Variants in CHSY3 observed in about 807,000 individuals in gnomAD.
CHSY3 encodes N-acetylgalactosaminyl-proteoglycan 3-beta-glucuronosyltransferase 3.
Under a neutral mutation model 67.2 loss-of-function variants are expected in CHSY3, and 35 were observed. The ratio of observed to expected loss-of-function variants is 0.52; its 90% CI spans 0.40 to 0.69. The LOEUF (loss-of-function observed/expected upper bound fraction) is 0.69. Ranked by LOEUF, CHSY3 falls within the 30% of genes least tolerant of loss-of-function variation. The pLI, the probability that CHSY3 is intolerant of heterozygous loss-of-function variation, is 0.00. For missense variants in CHSY3, 1,069 were observed against 1,138.5 expected (o/e 0.94, Z 0.88); for synonymous variants, 474 against 434.7 (o/e 1.09, Z -1.12).
Position 130,006,879 on chromosome 5 carries a change from A to G in CHSY3, c.1086+98519A>G, listed in dbSNP as rs79569660. The stretch of plus-strand genomic sequence containing the variant: ...TAGCCTACAATGTGCTAGATGACTA[A>G]GAAAATCAGTTGACTTTCTGAAGAA... On this transcript the variant is annotated intron_variant, in intron 2 of 2. Transcript: ENST00000305031. Among the ~76,000 whole-genome samples the G allele has an allele frequency of 3.4e-3, 518 of 152,350 alleles. 4 individuals are homozygous for G. The highest frequency in any genetic ancestry group is 0.012 in the African/African-American group (498 of 41,586).
intron 2 of CHSY3, among the ~76,000 whole-genome samples, chr5:129,931,149 T>C (rs116302739): frequency 0.012 from 1,755 of 152,242 alleles, 29 homozygotes; most frequent in African/African-American, 0.04. Context: ...TGTATATTTG[T>C]GAAAAATATA....
chr5:129,993,040 G>C (rs947340928), intron 2 of CHSY3, among the ~76,000 whole-genome samples: 1 of 152,120 alleles, frequency 6.6e-6, no homozygotes, highest in African/African-American at 2.4e-5. Context: ...ACAAAACACT[G>C]TTGCAAATGC....
chr5:129,997,699 G>A (rs942580565), intron 2 of CHSY3, among the ~76,000 whole-genome samples: 8 of 151,474 alleles, frequency 5.3e-5, no homozygotes, highest in African/African-American at 7.3e-5. Flanking sequence ...GATGTTTCCC[G>A]CCCTGTGTCC....
chr5:130,135,057 G>C (rs1768614796), intron 2 of CHSY3, among the ~76,000 whole-genome samples: 1 of 151,796 alleles, frequency 6.6e-6, no homozygotes, highest in Non-Finnish European at 1.5e-5. Context: ...TGTCGATATA[G>C]ATATAGTATA....
At chr5:130,039,902 A>G (rs1764962078) in intron 2 of CHSY3, among the ~76,000 whole-genome samples, 1 of 151,976 alleles carries the variant, frequency 6.6e-6, no homozygotes, top group Non-Finnish European at 1.5e-5. Context: ...TTATTTCTTT[A>G]TAGTATTTGA....
chr5:130,089,579 A>G (rs1270827508), intron 2 of CHSY3, among the ~76,000 whole-genome samples: 1 of 152,126 alleles, frequency 6.6e-6, no homozygotes. Context: ...TATTTGTGAC[A>G]GGAGAAACAC....
At chr5:130,136,689 A>G (rs1452409497) in intron 2 of CHSY3, among the ~76,000 whole-genome samples, 1 of 152,248 alleles carries the variant, frequency 6.6e-6, no homozygotes, top group Non-Finnish European at 1.5e-5. Context: ...GATTTTAATT[A>G]CCAGTAGATT....
intron 2 of CHSY3, among the ~76,000 whole-genome samples, chr5:129,972,498 A>T (rs1762671267): frequency 6.6e-6 from 1 of 151,888 alleles, no homozygotes; most frequent in Non-Finnish European, 1.5e-5. Flanking sequence ...AAAATTTTTG[A>T]TGTTAATAGC....
chr5:130,070,507 G>GA (rs998325666), intron 2 of CHSY3, among the ~76,000 whole-genome samples: 28 of 151,972 alleles, frequency 1.8e-4, no homozygotes, highest in Non-Finnish European at 3.2e-4. Flanking sequence ...TTTGGTGTCA[G>GA]AAAATCATGA....
chr5:130,084,151 G>A (rs1025499697), intron 2 of CHSY3, among the ~76,000 whole-genome samples: 2 of 151,878 alleles, frequency 1.3e-5, no homozygotes, highest in African/African-American at 2.4e-5. Flanking sequence ...CCTTCAAGAG[G>A]CACTTTTCCA....
At chr5:130,025,956 A>ACAAGAAGAG in intron 2 of CHSY3, among the ~76,000 whole-genome samples, 1 of 152,286 alleles carries the variant, frequency 6.6e-6, no homozygotes, top group Middle Eastern at 3.4e-3. Context: ...CAAGAATGAA[A>ACAAGAAGAG]CAAGAAGAGG....
At chr5:130,178,246 TATATATA>T (rs1460277586) in intron 2 of CHSY3, among the ~76,000 whole-genome samples, 8 of 77,934 alleles carry the variant, frequency 1.0e-4, no homozygotes, top group African/African-American at 3.4e-4. Flanking sequence ...TATATATATA[TATATATA>T]TTTTTTTTTT....
Position 129,908,063 on chromosome 5 carries a change from C to T in CHSY3, c.803-14C>T. On this transcript the variant is annotated splice_polypyrimidine_tract_variant and intron_variant, in intron 1 of 2. Transcript: ENST00000305031. ...AATAAGGAGACATAGTAATTGTTGC[C>T]TTTCTTTTTGTAGGTGATAAATTAG... The T allele has an allele frequency of 6.2e-7, 1 of 1,605,670 alleles. No individual in the cohort carries two copies. Among genetic ancestry groups the T allele is most frequent in the South Asian group, 1.1e-5 (1 of 89,808 alleles).
chr5:130,001,132 G>A (rs921782971), intron 2 of CHSY3, among the ~76,000 whole-genome samples: 1 of 151,820 alleles, frequency 6.6e-6, no homozygotes, highest in East Asian at 1.9e-4. Context: ...TGCCCGCCTC[G>A]ACCTCCCAAA....
intron 2 of CHSY3, among the ~76,000 whole-genome samples, chr5:130,107,929 C>T (rs184825240): frequency 1.4e-4 from 22 of 151,830 alleles, no homozygotes; most frequent in African/African-American, 4.3e-4. Flanking sequence ...GTGTCTAACA[C>T]TCTTTTTCAT....
chr5:130,068,029 A>G (rs1765939373), intron 2 of CHSY3, among the ~76,000 whole-genome samples: 1 of 152,186 alleles, frequency 6.6e-6, no homozygotes, highest in Admixed American at 6.6e-5. Flanking sequence ...GCAGCTGTAA[A>G]TATGTATTAC....
intron 2 of CHSY3, among the ~76,000 whole-genome samples, chr5:130,066,312 T>C (rs1336193287): frequency 6.6e-6 from 1 of 152,074 alleles, no homozygotes; most frequent in Non-Finnish European, 1.5e-5. Flanking sequence ...GCCCTCAAAA[T>C]AATACCGCAT....
intron 2 of CHSY3, among the ~76,000 whole-genome samples, chr5:130,068,238 C>A (rs1380494064): frequency 1.3e-5 from 2 of 152,108 alleles, no homozygotes; most frequent in Admixed American, 1.3e-4. Flanking sequence ...GCTGAATACA[C>A]TTGAGTTTCC....
At chr5:130,030,285 G>T (rs1185734944) in intron 2 of CHSY3, among the ~76,000 whole-genome samples, 2 of 152,074 alleles carry the variant, frequency 1.3e-5, no homozygotes, top group African/African-American at 4.8e-5. Context: ...CACAGATTTA[G>T]AGTTTTAATG....
Sources: gnomAD v4.1 joint callset for allele counts (sites outside exome capture counted in the v4.1 genomes callset) on GRCh38, gnomAD v4.1.1 for gene constraint, MANE v1.5 for transcripts, NCBI Gene and HGNC (gene_info 2026-07-23, HGNC 2026-07-21) for gene names.